Variants in ABLIM1 observed in about 807,000 individuals in gnomAD.
The protein encoded by ABLIM1 is actin-binding LIM protein 1.
A neutral mutation model predicts 107.0 loss-of-function variants in ABLIM1; 40 were observed. That is an observed-to-expected ratio of 0.37 (90% CI 0.29 to 0.49). The LOEUF (loss-of-function observed/expected upper bound fraction) is 0.49, where lower values mean the gene tolerates loss of function less well. Ranked by LOEUF, ABLIM1 falls within the 20% of genes least tolerant of loss-of-function variation. The pLI is 0.97. For missense variants in ABLIM1, 857 were observed against 1,008.5 expected (o/e 0.85, Z 2.04); for synonymous variants, 357 against 357.3 (o/e 1.00, Z 0.01).
Position 114,711,300 on chromosome 10 carries a change from C to T in ABLIM1, c.-213+56761G>A, listed in dbSNP as rs765181962. On this transcript the variant is annotated intron_variant, in intron 1 of 15. Coordinates refer to the ABLIM1 transcript ENST00000651092. The stretch of plus-strand genomic sequence containing the variant: ...ATCCCACTTCAACTTACCAAGAGCC[C>T]TCCTGTTGCTATACAATGGCTTTTA... Among the ~76,000 whole-genome samples the T allele has an allele frequency of 7.5e-4, 114 of 152,316 alleles. 1 individual carries two copies. Among genetic ancestry groups the T allele is most frequent in the Non-Finnish European group, 1.5e-3 (99 of 68,026 alleles).
intron 4 of ABLIM1, among the ~76,000 whole-genome samples, chr10:114,558,902 A>AGTGTGTGTGT (rs377352513): frequency 0.017 from 2,555 of 148,622 alleles, 55 homozygotes; most frequent in African/African-American, 0.038. Flanking sequence ...AGGGAGAACT[A>AGTGTGTGTGT]GTGTGTGTGT....
chr10:114,543,157 G>T lies in ABLIM1; in HGVS notation c.894+1848C>A, dbSNP rs118106642. Among the ~76,000 whole-genome samples the T allele has an allele frequency of 5.1e-4, 78 of 152,214 alleles. No individual in the cohort carries two copies. In the East Asian group the frequency reaches 0.015, roughly 28 times the overall value. On this transcript the variant is annotated intron_variant, in intron 6 of 22. Transcript: ENST00000533213. The stretch of plus-strand genomic sequence containing the variant: ...CTTCCCAGCCATTTAAAAAACATCT[G>T]AGCTGAAATGCACGTACTATAAAAT...
At chr10:114,484,941 T>C (rs899680855) in intron 8 of ABLIM1, among the ~76,000 whole-genome samples, 14 of 152,192 alleles carry the variant, frequency 9.2e-5, no homozygotes, top group Admixed American at 2.6e-4. Context: ...CTCTTATAAT[T>C]ATTTATCATC....
chr10:114,589,218 T>G (rs1429714350), intron 2 of ABLIM1, among the ~76,000 whole-genome samples: 3 of 132,674 alleles, frequency 2.3e-5, no homozygotes, highest in Admixed American at 1.5e-4. Flanking sequence ...TGTGTGTGTG[T>G]TTTTTTTTTT....
the ABLIM1 span, among the ~76,000 whole-genome samples, chr10:114,781,476 C>T: frequency 5.0e-4 from 76 of 151,234 alleles, no homozygotes; most frequent in Non-Finnish European, 6.6e-4. Flanking sequence ...TGCACCCCAG[C>T]CTGGGTGATG....
chr10:114,453,355 G>T, intron 13 of ABLIM1, 24 bp downstream of exon 13: 1 of 1,610,054 alleles, frequency 6.2e-7, no homozygotes, highest in Non-Finnish European at 8.5e-7. Context: ...AGGACACCAA[G>T]ACACAGACTG....
At chr10:114,751,336 C>T (rs1160550205) in intron 1 of ABLIM1, among the ~76,000 whole-genome samples, 1 of 151,970 alleles carries the variant, frequency 6.6e-6, no homozygotes, top group Non-Finnish European at 1.5e-5. Flanking sequence ...AAATTACACA[C>T]GATAGTCTTA....
intron 2 of ABLIM1, among the ~76,000 whole-genome samples, chr10:114,600,865 G>T (rs1245259022): frequency 1.3e-5 from 2 of 152,006 alleles, no homozygotes; most frequent in Non-Finnish European, 2.9e-5. Context: ...TTTTTCCCCA[G>T]TTGGCCATGC....
chr10:114,679,288 A>T (rs1469310673), intron 1 of ABLIM1, among the ~76,000 whole-genome samples: 1 of 152,102 alleles, frequency 6.6e-6, no homozygotes, highest in Non-Finnish European at 1.5e-5. Flanking sequence ...GGCTTGCCAG[A>T]CCCCTGTTGT....
intron 12 of ABLIM1, among the ~76,000 whole-genome samples, chr10:114,456,057 A>G (rs1006456468): frequency 7.9e-5 from 12 of 151,250 alleles, no homozygotes; most frequent in Admixed American, 7.9e-4. Flanking sequence ...CTCGTGATCC[A>G]CCCGCCTCGG....
intron 11 of ABLIM1, among the ~76,000 whole-genome samples, chr10:114,466,558 T>C (rs777314414): frequency 1.3e-5 from 2 of 152,182 alleles, no homozygotes; most frequent in East Asian, 3.9e-4. Flanking sequence ...GTAGTTGGTA[T>C]GGGCAGAGCC....
intron 3 of ABLIM1, among the ~76,000 whole-genome samples, chr10:114,573,850 C>T (rs922692943): frequency 2.0e-5 from 3 of 152,130 alleles, no homozygotes; most frequent in Non-Finnish European, 4.4e-5. Flanking sequence ...ACTTGGGGCT[C>T]CATGCCAGCC....
At position 114,619,398 on chromosome 10, in the gene ABLIM1, T is replaced by G. The variant is rs139548818; in HGVS notation, c.245-17437A>C. ...TTTTAGTAGAGACGAGGTTTCACTA[T>G]GTTGCCCAGGCTGGTCTCGAACTCC... On this transcript the variant is annotated intron_variant, in intron 1 of 22. Coordinates refer to ENST00000533213, the MANE Select transcript of ABLIM1 (RefSeq NM_002313.7). This position sits in a 1 kb window ranked among gnomAD's most constrained non-coding sequence, Gnocchi z 4.1. Among the ~76,000 whole-genome samples the G allele has an allele frequency of 3.9e-4, 60 of 152,222 alleles. No individual in the cohort carries two copies. The highest frequency in any genetic ancestry group is 1.3e-3 in the African/African-American group (56 of 41,538).
chr10:114,534,857 C>T (rs1386791153), intron 6 of ABLIM1, among the ~76,000 whole-genome samples: 1 of 152,170 alleles, frequency 6.6e-6, no homozygotes, highest in Non-Finnish European at 1.5e-5. Context: ...AAAGCCCTTC[C>T]ATTTGTGCTG....
At chr10:114,625,685 G>T (rs779872996) in intron 1 of ABLIM1, among the ~76,000 whole-genome samples, 13 of 152,186 alleles carry the variant, frequency 8.5e-5, no homozygotes, top group Non-Finnish European at 1.9e-4. Flanking sequence ...TAGACAGTAT[G>T]ACTGAGGTTA....
intron 6 of ABLIM1, among the ~76,000 whole-genome samples, chr10:114,529,237 G>A (rs1287952968): frequency 6.6e-6 from 1 of 150,966 alleles, no homozygotes; most frequent in Non-Finnish European, 1.5e-5. Flanking sequence ...CGATTCTCCT[G>A]CCTCAGCCTC....
intron 18 of ABLIM1, among the ~76,000 whole-genome samples, 193 bp downstream of exon 18, chr10:114,441,529 T>C (rs73352029): frequency 0.048 from 7,296 of 152,300 alleles, 611 homozygotes; most frequent in African/African-American, 0.17. Flanking sequence ...GTTAATTTCT[T>C]CTTCTCTCAA....
Position 114,491,771 on chromosome 10 carries a change from T to G in ABLIM1, c.982+20A>C. ...TTCCCCCAGCAAGGAAAACTTCTAG[T>G]GTTCTTGAGTCCACCTCACCTTGAA... is the stretch of plus-strand genomic sequence containing the variant. On this transcript the variant is annotated intron_variant, in intron 7 of 22. Coordinates refer to ENST00000533213, the MANE Select transcript of ABLIM1 (RefSeq NM_002313.7). 2 of 1,590,076 alleles carry G rather than the reference T, an allele frequency of 1.3e-6. No homozygotes were observed. The highest frequency in any genetic ancestry group is 1.7e-6 in the Non-Finnish European group (2 of 1,160,838).
intron 11 of ABLIM1, among the ~76,000 whole-genome samples, chr10:114,467,577 A>G (rs1444401159): frequency 6.6e-6 from 1 of 152,264 alleles, no homozygotes; most frequent in East Asian, 1.9e-4. Context: ...TGGTCAATAG[A>G]AATTAATTCT....
Sources: allele counts gnomAD v4.1 joint callset (sites outside exome capture counted in the v4.1 genomes callset), GRCh38; gene constraint gnomAD v4.1.1; non-coding constraint Gnocchi (gnomAD v3.1); transcripts MANE v1.5; gene names NCBI Gene and HGNC (gene_info 2026-07-23, HGNC 2026-07-21).